WWP2: variants seen among roughly 807,000 people sequenced by gnomAD.
WWP2 encodes the protein WW domain containing E3 ubiquitin protein ligase 2.
A neutral mutation model predicts 121.0 loss-of-function variants in WWP2; 57 were observed. That is an observed-to-expected ratio of 0.47 (90% confidence interval 0.38 to 0.59). WWP2 has a LOEUF of 0.59. Ranked by LOEUF, WWP2 falls within the 20% of genes least tolerant of loss-of-function variation. WWP2 has a pLI of 0.00. For missense variants in WWP2, 962 were observed against 1,158.9 expected (o/e 0.83, Z 2.47); for synonymous variants, 449 against 441.3 (o/e 1.02, Z -0.22).
chr16:69,826,602 G>A (rs1169502809), intron 4 of WWP2, among the ~76,000 whole-genome samples: 3 of 136,014 alleles, frequency 2.2e-5, no homozygotes, highest in Admixed American at 7.4e-5. Context: ...AAGTGGAGCC[G>A]GGCACGGTGG....
Position 69,773,447 on chromosome 16 carries a change from A to G in WWP2, c.-16+11056A>G, listed in dbSNP as rs369093279. On this transcript the variant is annotated intron_variant, in intron 1 of 23. Transcript: ENST00000359154. ...ACCCACCTCGGCCTCCCAAAGTGCT[A>G]GAATTACAGGCATGAGCCACCACGC... Among the ~76,000 whole-genome samples the G allele has an allele frequency of 3.8e-4, 57 of 151,012 alleles. No individual in the cohort carries two copies. In the South Asian group the frequency reaches 0.011, roughly 30 times the overall value.
intron 23 of WWP2, among the ~76,000 whole-genome samples, chr16:69,939,620 G>A (rs1170846654): frequency 6.6e-6 from 1 of 152,138 alleles, no homozygotes; most frequent in East Asian, 1.9e-4. Flanking sequence ...TAGTCCAAGA[G>A]CTACTGCCCC....
At chr16:69,920,673 A>G (rs1016827040) in intron 10 of WWP2, among the ~76,000 whole-genome samples, 10 of 152,014 alleles carry the variant, frequency 6.6e-5, no homozygotes, top group Admixed American at 6.6e-4. Flanking sequence ...TAATTCCAGC[A>G]ACTTGGAAGA....
chr16:69,798,889 G>A (rs915660863), intron 3 of WWP2, 60 bp downstream of exon 3: 7 of 1,595,216 alleles, frequency 4.4e-6, no homozygotes, highest in African/African-American at 4.0e-5. Flanking sequence ...AGGGTGCTCC[G>A]AGGGGGTTGT....
chr16:69,926,034 T>C (rs2058635088), intron 11 of WWP2: 1 of 152,346 alleles, frequency 6.6e-6, no homozygotes, highest in Non-Finnish European at 1.5e-5. Context: ...AGGTGGTGAC[T>C]CTGGAAACGC....
intron 6 of WWP2, among the ~76,000 whole-genome samples, chr16:69,855,882 G>T (rs1172937826): frequency 1.3e-5 from 2 of 152,196 alleles, no homozygotes; most frequent in Non-Finnish European, 2.9e-5. Flanking sequence ...TATTTCATTG[G>T]ATCTAGAGTA....
chr16:69,817,559 GT>G (rs2056517365), intron 4 of WWP2, among the ~76,000 whole-genome samples: 3 of 147,542 alleles, frequency 2.0e-5, no homozygotes, highest in Non-Finnish European at 3.0e-5. Flanking sequence ...CAGATGCTTT[GT>G]TTTTGTTTTG....
At chr16:69,933,553 A>G (rs2058751217) in intron 16 of WWP2, among the ~76,000 whole-genome samples, 1 of 152,188 alleles carries the variant, frequency 6.6e-6, no homozygotes, top group Non-Finnish European at 1.5e-5. Context: ...TTACTATTCA[A>G]ACAGAACCTT....
At chr16:69,921,642 G>GT (rs1315724319) in intron 10 of WWP2, among the ~76,000 whole-genome samples, 12 of 152,196 alleles carry the variant, frequency 7.9e-5, no homozygotes, top group African/African-American at 2.9e-4. Context: ...CACCGTTGCA[G>GT]TTTCTTTTTG....
chr16:69,797,596 A>G (rs2056073758), intron 2 of WWP2, among the ~76,000 whole-genome samples: 1 of 152,154 alleles, frequency 6.6e-6, no homozygotes, highest in Admixed American at 6.6e-5. Context: ...TTCAGTTAAA[A>G]TTTATAAATT....
At chr16:69,933,120 G>T in intron 16 of WWP2, 1 of 510,278 alleles carries the variant, frequency 2.0e-6, no homozygotes. Context: ...TTTACCCTAT[G>T]GTAGGTTACG....
At position 69,939,089 on chromosome 16, in the gene WWP2, C is replaced by T. The variant is rs2058840857; in HGVS notation, c.2406C>T (p.Cys802=). ...TGCTGCAGTTTGTCACCGGTACCTG[C>T]CGCCTGCCCGTCGGGGGATTTGCCG... ...IRLLQFVTGT[C]RLPVGGFAEL... Residue 802 remains cysteine (C), a synonymous_variant, in exon 22 of 24, where the codon TGC becomes TGT. Transcript: ENST00000359154. 1 of 1,605,892 alleles carries T rather than the reference C, an allele frequency of 6.2e-7. No individual in the cohort carries two copies. Among genetic ancestry groups the T allele is most frequent in the Non-Finnish European group, 8.5e-7 (1 of 1,175,782 alleles).
intron 4 of WWP2, among the ~76,000 whole-genome samples, chr16:69,820,446 G>C (rs1221221263): frequency 1.3e-5 from 1 of 79,050 alleles, no homozygotes; most frequent in African/African-American, 3.0e-5. Context: ...ATTTCACCAT[G>C]TTGGCCAGGC....
intron 9 of WWP2, among the ~76,000 whole-genome samples, chr16:69,914,926 C>T (rs2058457693): frequency 6.6e-6 from 1 of 152,214 alleles, no homozygotes; most frequent in Admixed American, 6.5e-5. Context: ...CACCAAATCC[C>T]ACCAGGAAGC....
At chr16:69,802,418 C>T (rs1567674290) in intron 4 of WWP2, among the ~76,000 whole-genome samples, 1 of 152,104 alleles carries the variant, frequency 6.6e-6, no homozygotes, top group Non-Finnish European at 1.5e-5. Flanking sequence ...CCCATCCTCC[C>T]CTCGCACCAG....
At chr16:69,912,408 C>CACAT (rs891341449) in intron 9 of WWP2, among the ~76,000 whole-genome samples, 8 of 147,306 alleles carry the variant, frequency 5.4e-5, no homozygotes, top group Admixed American at 4.7e-4. Context: ...CACACACACA[C>CACAT]ACAGCCTCAT....
At chr16:69,807,803 A>T (rs186455432) in intron 4 of WWP2, among the ~76,000 whole-genome samples, 208 of 151,952 alleles carry the variant, frequency 1.4e-3, no homozygotes, top group African/African-American at 4.7e-3. Context: ...AAAGAAATTT[A>T]AAAAAATTAG....
At chr16:69,886,852 G>A (rs757108701) in intron 7 of WWP2, among the ~76,000 whole-genome samples, 1 of 152,204 alleles carries the variant, frequency 6.6e-6, no homozygotes, top group Non-Finnish European at 1.5e-5. Context: ...AAACGTTCAC[G>A]AAGAATCTGG....
At position 69,924,883 on chromosome 16, in the gene WWP2, G is replaced by T. The variant is rs377655113; in HGVS notation, c.1180-547G>T. The T allele has an allele frequency of 1.4e-5, 14 of 979,682 alleles. No individual in the cohort carries two copies. In the African/African-American group the frequency reaches 2.3e-4, roughly 16 times the overall value. 60.7% of individuals were successfully genotyped at this position (979,682 alleles called of 1,614,324 possible). A position where few individuals can be genotyped will look rare whatever the true frequency, so the allele number is the denominator to read the frequency against. The stretch of plus-strand genomic sequence containing the variant: ...GCTGCACACCCAGATGGGAGGTTGG[G>T]GGGGACGCCGAGGTGGAGGGAGGAG... On this transcript the variant is annotated intron_variant, in intron 10 of 23. Transcript: ENST00000359154.
Sources: allele counts gnomAD v4.1 joint callset (sites outside exome capture counted in the v4.1 genomes callset), GRCh38; gene constraint gnomAD v4.1.1; transcripts MANE v1.5; gene names NCBI Gene and HGNC (gene_info 2026-07-23, HGNC 2026-07-21).